ANKRD30B: variants seen among roughly 807,000 people sequenced by gnomAD.
ANKRD30B encodes the protein ankyrin repeat domain-containing protein 30B.
ANKRD30B carries 144 observed loss-of-function variants against 202.2 expected under a neutral mutation model. The ratio of observed to expected loss-of-function variants is 0.71; its 90% CI spans 0.62 to 0.82. The LOEUF is 0.82. Among genes scored for constraint, ANKRD30B ranks in the 40% least tolerant of loss-of-function variants. The pLI is 0.00. For synonymous variants in ANKRD30B, 508 were observed against 561.3 expected, an observed-to-expected ratio of 0.91 and a Z score of 1.34; for missense variants, 1,487 against 1,669.1, an observed-to-expected ratio of 0.89 and a Z score of 1.90.
chr18:14,860,768 G>A, the ANKRD30B span, among the ~76,000 whole-genome samples: 1 of 151,898 alleles, frequency 6.6e-6, no homozygotes, highest in Non-Finnish European at 1.5e-5. Context: ...GCAGTGGTGT[G>A]ATGTCAGCTC....
chr18:14,773,558 ACAAT>A (rs1452924016), intron 9 of ANKRD30B, among the ~76,000 whole-genome samples: 5 of 152,196 alleles, frequency 3.3e-5, no homozygotes, highest in Admixed American at 2.6e-4. Context: ...AAATAAGAAG[ACAAT>A]CAGAGATATG....
chr18:14,808,515 G>C (rs1555659804), intron 24 of ANKRD30B, 36 bp from the exon 25 acceptor site: 9 of 1,391,142 alleles, frequency 6.5e-6, no homozygotes, highest in South Asian at 1.2e-5. Flanking sequence ...TGTCAGGCTT[G>C]CATATAATCA....
At chr18:14,903,216 T>A in the ANKRD30B span, among the ~76,000 whole-genome samples, 5 of 152,070 alleles carry the variant, frequency 3.3e-5, no homozygotes. Context: ...CTCTGAAGGC[T>A]TGCTAGTAAA....
chr18:14,764,501 C>A (rs765448264), intron 7 of ANKRD30B, among the ~76,000 whole-genome samples: 1 of 152,144 alleles, frequency 6.6e-6, no homozygotes, highest in Non-Finnish European at 1.5e-5. Flanking sequence ...TCATGCAATT[C>A]TCCTGCCTCA....
At chr18:14,768,543 T>C (rs1300990271) in intron 7 of ANKRD30B, among the ~76,000 whole-genome samples, 1 of 152,192 alleles carries the variant, frequency 6.6e-6, no homozygotes, top group Non-Finnish European at 1.5e-5. Flanking sequence ...ACACTATTTC[T>C]AGATAGATAG....
intron 15 of ANKRD30B, among the ~76,000 whole-genome samples, chr18:14,789,365 C>CT: frequency 6.6e-6 from 1 of 152,186 alleles, no homozygotes; most frequent in East Asian, 1.9e-4. Context: ...ATGGTAGTTT[C>CT]TTTTGCTGTG....
intron 34 of ANKRD30B, among the ~76,000 whole-genome samples, chr18:14,832,080 T>G (rs569955945): frequency 1.3e-5 from 2 of 152,264 alleles, no homozygotes; most frequent in South Asian, 2.1e-4. Flanking sequence ...TTGTGAAAAT[T>G]TATTTGGGCA....
chr18:14,838,728 C>T (rs1971285128), intron 36 of ANKRD30B, among the ~76,000 whole-genome samples: 2 of 152,186 alleles, frequency 1.3e-5, no homozygotes, highest in Admixed American at 1.3e-4. Context: ...GGTTCTGTCA[C>T]TTACTAGCTA....
rs538109234 is a variant in ANKRD30B, at chr18:14,842,806, A to G, written c.3080-91A>G. 9 of 1,274,884 alleles carry G rather than the reference A, an allele frequency of 7.1e-6. No individual in the cohort carries two copies. The South Asian group carries it at 8.8e-5, about 12-fold the overall frequency. 79.0% of individuals were successfully genotyped at this position (1,274,884 alleles called of 1,614,324 possible). A position where few individuals can be genotyped will look rare whatever the true frequency, so the allele number is the denominator to read the frequency against. ...TAAAGGAATCATTCTCAAAGCTGAG[A>G]AAAAGGACTTAGATACTATCACTGG... On this transcript the variant is annotated intron_variant, in intron 37 of 43. Transcript: ENST00000690538.
At chr18:14,845,849 C>A (rs1971616388) in intron 39 of ANKRD30B, among the ~76,000 whole-genome samples, 1 of 152,132 alleles carries the variant, frequency 6.6e-6, no homozygotes, top group Admixed American at 6.6e-5. Context: ...CCTCACATGG[C>A]AGAAAGGGTA....
At chr18:14,832,991 C>A (rs1224802030) in intron 34 of ANKRD30B, among the ~76,000 whole-genome samples, 2 of 152,104 alleles carry the variant, frequency 1.3e-5, no homozygotes. Context: ...GGTTGTAGTG[C>A]AGTGGCGTGA....
At chr18:14,872,051 C>T in the ANKRD30B span, among the ~76,000 whole-genome samples, 1 of 152,080 alleles carries the variant, frequency 6.6e-6, no homozygotes, top group Non-Finnish European at 1.5e-5. Context: ...AACTGAGAAG[C>T]AGAAAATGTA....
chr18:14,769,908 G>T (rs1916846363), intron 8 of ANKRD30B, among the ~76,000 whole-genome samples: 1 of 152,136 alleles, frequency 6.6e-6, no homozygotes, highest in African/African-American at 2.4e-5. Flanking sequence ...GTGGCCACAA[G>T]ACATAGGCTT....
At chr18:14,926,807 G>A in the ANKRD30B span, among the ~76,000 whole-genome samples, 10 of 152,226 alleles carry the variant, frequency 6.6e-5, no homozygotes, top group Admixed American at 1.3e-4. Context: ...CGAGCCTATA[G>A]TCTTAGCTGC....
chr18:14,780,308 G>T (rs1409678572), intron 11 of ANKRD30B, among the ~76,000 whole-genome samples: 2 of 152,010 alleles, frequency 1.3e-5, no homozygotes, highest in African/African-American at 4.8e-5. Flanking sequence ...AGTTGGATGT[G>T]GTGGTGCACA....
In ANKRD30B at chr18:14,784,442, T is replaced by C; in HGVS notation, c.1600-21T>C. 1.9e-6 allele frequency: 3 copies of C among 1,613,238 alleles called. No individual in the cohort carries two copies. The South Asian group carries it at 3.3e-5, about 18-fold the overall frequency. ...GAAGTACACATTCTTTATTGATCAT[T>C]TTTCTTCCAAACCCATTTAGCCTGC... On this transcript the variant is annotated intron_variant, in intron 13 of 43. Transcript: ENST00000690538.
rs1971477642 is a variant in ANKRD30B, at chr18:14,842,885, T to C, written c.3080-12T>C. 6.5e-7 allele frequency: 1 copy of C among 1,548,274 alleles called. No homozygotes were observed. Among genetic ancestry groups the C allele is most frequent in the African/African-American group, 1.4e-5 (1 of 72,984 alleles). On this transcript the variant is annotated splice_polypyrimidine_tract_variant and intron_variant, in intron 37 of 43. Coordinates refer to ENST00000690538, the MANE Select transcript of ANKRD30B (RefSeq NM_001367607.2). ...TACTTATGACTGATAATAAATCTCTTTTGCTTTTTAGAGTCTCCTGAAAAG... is the reference window on the plus strand; with the variant it reads ...TACTTATGACTGATAATAAATCTCTCTTGCTTTTTAGAGTCTCCTGAAAAG...
chr18:14,908,766 A>G, the ANKRD30B span, among the ~76,000 whole-genome samples: 1 of 152,082 alleles, frequency 6.6e-6, no homozygotes, highest in African/African-American at 2.4e-5. Flanking sequence ...GCTGGGAGAG[A>G]ATTGCTGGAT....
At chr18:14,880,313 G>A in the ANKRD30B span, among the ~76,000 whole-genome samples, 8 of 152,244 alleles carry the variant, frequency 5.3e-5, no homozygotes, top group South Asian at 6.2e-4. Context: ...ATCAAGTAAT[G>A]TGATGCCTCC....
Sources: gnomAD v4.1 joint callset for allele counts (sites outside exome capture counted in the v4.1 genomes callset) on GRCh38, gnomAD v4.1.1 for gene constraint, MANE v1.5 for transcripts, NCBI Gene and HGNC (gene_info 2026-07-23, HGNC 2026-07-21) for gene names.